The following UHRF2 variants were observed in gnomAD, a reference collection of about 807,000 sequenced individuals.
UHRF2 encodes the protein ubiquitin like with PHD and ring finger domains 2, also known as E3 ubiquitin-protein ligase UHRF2.
Under a neutral mutation model 96.8 loss-of-function variants are expected in UHRF2, and 23 were observed. The observed-to-expected ratio is 0.24, with a 90% confidence interval of 0.17 to 0.34. The LOEUF is 0.34. UHRF2 is among the 10% of genes least tolerant of loss of function. The probability of loss-of-function intolerance (pLI) is 1.00; values close to 1 mark genes in which losing one functional copy is unlikely to be tolerated. For missense variants in UHRF2, 685 were observed against 981.5 expected (o/e 0.70, Z 4.04); for synonymous variants, 385 against 332.6 (o/e 1.16, Z -1.72).
chr9:6,494,155 G>A (rs1824833184), intron 10 of UHRF2: 2 of 421,740 alleles, frequency 4.7e-6, no homozygotes, highest in Non-Finnish European at 8.3e-6. Flanking sequence ...GAATACATGT[G>A]ATATGCATTT....
chr9:6,451,760 C>T (rs537650276), intron 3 of UHRF2, among the ~76,000 whole-genome samples: 2 of 100,926 alleles, frequency 2.0e-5, no homozygotes, highest in South Asian at 3.6e-4. Flanking sequence ...CGTGAGCCAC[C>T]GCGCCCGGCC....
intron 4 of UHRF2, among the ~76,000 whole-genome samples, chr9:6,467,816 C>G (rs1822971010): frequency 6.6e-6 from 1 of 152,004 alleles, no homozygotes; most frequent in South Asian, 2.1e-4. Flanking sequence ...CGGACTGAAT[C>G]CTAGCTTATC....
At position 6,440,432 on chromosome 9, in the gene UHRF2, A is replaced by T. The variant is rs530392767; in HGVS notation, c.644+6259A>T. On this transcript the variant is annotated intron_variant, in intron 3 of 15. Coordinates refer to ENST00000276893, the MANE Select transcript of UHRF2 (RefSeq NM_152896.3). ...ATTAAACTGTCTGACTCAAGAGCCC[A>T]AGAGTTAACCAATATGCAGTATTGT... is the stretch of plus-strand genomic sequence containing the variant. 2.8e-4 allele frequency among the ~76,000 whole-genome samples: 42 copies of T among 152,344 alleles called. No individual in the cohort carries two copies. The South Asian group carries it at 8.5e-3, about 31-fold the overall frequency.
At chr9:6,489,449 C>A (rs1053235641) in intron 9 of UHRF2, among the ~76,000 whole-genome samples, 1 of 152,194 alleles carries the variant, frequency 6.6e-6, no homozygotes, top group African/African-American at 2.4e-5. Flanking sequence ...ATTCCTGGGT[C>A]ATATGTGGCA....
intron 3 of UHRF2, among the ~76,000 whole-genome samples, chr9:6,457,593 A>C (rs1403002292): frequency 6.6e-6 from 1 of 152,176 alleles, no homozygotes; most frequent in Non-Finnish European, 1.5e-5. Context: ...CCAGTTTTCC[A>C]AGGGAATTCT....
At chr9:6,413,785 G>T in intron 1 of UHRF2, 142 bp downstream of exon 1, 1 of 1,084,906 alleles carries the variant, frequency 9.2e-7, no homozygotes, top group Non-Finnish European at 1.2e-6. Context: ...CCCGCGAGGC[G>T]CGGGGTGCGG....
chr9:6,457,482 A>T (rs1238782889), intron 3 of UHRF2, among the ~76,000 whole-genome samples: 1 of 152,074 alleles, frequency 6.6e-6, no homozygotes, highest in Non-Finnish European at 1.5e-5. Context: ...TCTTTTCCTA[A>T]TTGAATACCC....
chr9:6,494,141 TACTG>T (rs990001717), intron 10 of UHRF2: 1 of 502,376 alleles, frequency 2.0e-6, no homozygotes. Context: ...TTTCTAGTCT[TACTG>T]AATACATGTG....
chr9:6,436,711 C>T (rs1820868512), intron 3 of UHRF2, among the ~76,000 whole-genome samples: 1 of 152,146 alleles, frequency 6.6e-6, no homozygotes, highest in African/African-American at 2.4e-5. Context: ...AGGACCTACC[C>T]TTCAGTTTGG....
At position 6,463,771 on chromosome 9, in the gene UHRF2, A is replaced by G. The variant is rs541301848; in HGVS notation, c.863+2980A>G. 2.0e-4 allele frequency among the ~76,000 whole-genome samples: 31 copies of G among 152,070 alleles called. 1 individual carries two copies. The South Asian group carries it at 6.0e-3, about 30-fold the overall frequency. ...TAGGTATGAGCCACCGTGTCTGGAG[A>G]AAAAAAATTTTTTTTTTTAATGATT... On this transcript the variant is annotated intron_variant, in intron 4 of 15. Transcript: ENST00000276893.
chr9:6,464,459 GT>G (rs1014321509), intron 4 of UHRF2, among the ~76,000 whole-genome samples: 5 of 151,428 alleles, frequency 3.3e-5, no homozygotes, highest in African/African-American at 9.7e-5. Flanking sequence ...GTTCAAGAAA[GT>G]TTTTTTTTCC....
intron 6 of UHRF2, among the ~76,000 whole-genome samples, chr9:6,480,130 A>G (rs762134134): frequency 6.6e-6 from 1 of 152,112 alleles, no homozygotes; most frequent in Admixed American, 6.6e-5. Context: ...CTTGGTCTCT[A>G]CCCACCTTTG....
intron 5 of UHRF2, 27 bp from the exon 6 acceptor site, chr9:6,477,595 G>T (rs1357899894): frequency 6.4e-7 from 1 of 1,564,084 alleles, no homozygotes; most frequent in South Asian, 1.2e-5. Context: ...TTTAAGACTA[G>T]ACTTGCTATA....
intron 4 of UHRF2, among the ~76,000 whole-genome samples, chr9:6,469,781 T>C (rs1174586088): frequency 1.3e-5 from 2 of 150,592 alleles, no homozygotes; most frequent in African/African-American, 4.9e-5. Context: ...TGTGTGTATA[T>C]ATATGTATAT....
intron 1 of UHRF2, among the ~76,000 whole-genome samples, chr9:6,417,177 G>C (rs1819655433): frequency 6.6e-6 from 1 of 152,052 alleles, no homozygotes; most frequent in African/African-American, 2.4e-5. Context: ...ACTTCCACTT[G>C]GCATTTGCTT....
chr9:6,433,842 T>G (rs1820686959), intron 2 of UHRF2, 72 bp from the exon 3 acceptor site: 4 of 1,496,066 alleles, frequency 2.7e-6, no homozygotes, highest in African/African-American at 1.4e-5. Flanking sequence ...CACAAATAAC[T>G]TGAGTTACAT....
At chr9:6,455,850 G>C (rs1822143251) in intron 3 of UHRF2, among the ~76,000 whole-genome samples, 1 of 152,126 alleles carries the variant, frequency 6.6e-6, no homozygotes, top group Non-Finnish European at 1.5e-5. Flanking sequence ...CAGGCATAGT[G>C]GCATGCGTCT....
intron 9 of UHRF2, among the ~76,000 whole-genome samples, chr9:6,490,215 A>G (rs1381097984): frequency 6.6e-6 from 1 of 152,208 alleles, no homozygotes; most frequent in African/African-American, 2.4e-5. Flanking sequence ...CAGTTTCCCC[A>G]TCTGTAAAAA....
chr9:6,488,962 A>G (rs1016576483), intron 9 of UHRF2, among the ~76,000 whole-genome samples: 1 of 151,690 alleles, frequency 6.6e-6, no homozygotes, highest in Non-Finnish European at 1.5e-5. Context: ...ACAGGCATGC[A>G]TCGCCATTGA....
Sources: gnomAD v4.1 joint callset for allele counts (sites outside exome capture counted in the v4.1 genomes callset) on GRCh38, gnomAD v4.1.1 for gene constraint, MANE v1.5 for transcripts, NCBI Gene and HGNC (gene_info 2026-07-23, HGNC 2026-07-21) for gene names.